Variants in BICC1 observed in about 807,000 individuals in gnomAD.
BICC1 encodes protein bicaudal C homolog 1.
Under a neutral mutation model 111.0 loss-of-function variants are expected in BICC1, and 43 were observed. The observed-to-expected ratio is 0.39, with a 90% CI of 0.30 to 0.50. The LOEUF is 0.50. BICC1 is among the 20% of genes least tolerant of loss of function. The probability of loss-of-function intolerance (pLI) is 0.88; values close to 1 mark genes in which losing one functional copy is unlikely to be tolerated. For synonymous variants in BICC1, 467 were observed against 434.4 expected, an observed-to-expected ratio of 1.07 and a Z score of -0.93; for missense variants, 1,091 against 1,203.2, an observed-to-expected ratio of 0.91 and a Z score of 1.38.
At position 58,799,051 on chromosome 10, in the gene BICC1, T is replaced by A; in HGVS notation, c.1529-5T>A. The stretch of plus-strand genomic sequence containing the variant: ...AATATCTGTCATCATAAAATGTTGT[T>A]GTAGGTTTTTCTGCTATACCACACC... On this transcript the variant is annotated splice_polypyrimidine_tract_variant and splice_region_variant and intron_variant, in intron 11 of 20. Coordinates refer to ENST00000373886, the MANE Select transcript of BICC1 (RefSeq NM_001080512.3). The A allele has an allele frequency of 6.4e-7, 1 of 1,556,220 alleles. No individual in the cohort carries two copies.
At chr10:58,782,959 G>A (rs888872994) in intron 3 of BICC1, among the ~76,000 whole-genome samples, 7 of 152,238 alleles carry the variant, frequency 4.6e-5, no homozygotes, top group African/African-American at 1.7e-4. Context: ...GCATTAGAGA[G>A]CAAGCAATGG....
chr10:58,747,366 T>C (rs978127936), intron 3 of BICC1, among the ~76,000 whole-genome samples: 3 of 152,154 alleles, frequency 2.0e-5, no homozygotes, highest in Non-Finnish European at 4.4e-5. Flanking sequence ...AATACAGAAA[T>C]GAACTTTAAG....
chr10:58,732,263 GGAGA>G (rs142434746), intron 3 of BICC1, among the ~76,000 whole-genome samples: 33 of 144,530 alleles, frequency 2.3e-4, no homozygotes, highest in African/African-American at 6.2e-4. Context: ...GTGGGGATGG[GGAGA>G]GAGAGAGAGA....
chr10:58,610,260 C>T (rs150396632), intron 1 of BICC1, among the ~76,000 whole-genome samples: 157 of 152,206 alleles, frequency 1.0e-3, no homozygotes, highest in Non-Finnish European at 1.9e-3. Flanking sequence ...AGAATGCTGG[C>T]CTTTGCTTGC....
chr10:58,636,965 T>C (rs1445513935), intron 2 of BICC1, among the ~76,000 whole-genome samples: 1 of 152,182 alleles, frequency 6.6e-6, no homozygotes, highest in Non-Finnish European at 1.5e-5. Flanking sequence ...GGGGGAAGGC[T>C]GTGTGGCTGA....
chr10:58,694,130 TCTCCTGTTCTCATTGA>T (rs1236552540), intron 2 of BICC1, among the ~76,000 whole-genome samples: 23 of 152,274 alleles, frequency 1.5e-4, no homozygotes, highest in African/African-American at 5.1e-4. Context: ...ATCATCTCCT[TCTCCTGTTCTCATTGA>T]CTTCTGATTC....
intron 1 of BICC1, among the ~76,000 whole-genome samples, chr10:58,602,157 C>T (rs916634412): frequency 1.3e-5 from 2 of 152,050 alleles, no homozygotes; most frequent in African/African-American, 4.8e-5. Flanking sequence ...GGAAAAGCAG[C>T]TGAGAAGATA....
At chr10:58,761,338 G>A (rs1047366645) in intron 3 of BICC1, among the ~76,000 whole-genome samples, 6 of 152,280 alleles carry the variant, frequency 3.9e-5, no homozygotes, top group Non-Finnish European at 7.4e-5. Flanking sequence ...TAGAGCTGGG[G>A]GCAGTGACAA....
intron 1 of BICC1, among the ~76,000 whole-genome samples, chr10:58,527,717 T>A (rs1649020): frequency 0.99 from 151,106 of 152,184 alleles, 75,022 homozygotes; most frequent in East Asian, 1. Context: ...AGGTTTGTCA[T>A]AGACCAGATG....
At chr10:58,562,268 T>C (rs1013489621) in intron 1 of BICC1, among the ~76,000 whole-genome samples, 9 of 152,158 alleles carry the variant, frequency 5.9e-5, no homozygotes, top group Non-Finnish European at 1.0e-4. Flanking sequence ...TCCATTGTCT[T>C]ATTGGCTTTC....
At chr10:58,611,895 G>T (rs987932224) in intron 1 of BICC1, among the ~76,000 whole-genome samples, 1 of 152,126 alleles carries the variant, frequency 6.6e-6, no homozygotes, top group Non-Finnish European at 1.5e-5. Flanking sequence ...ATATTAAAGT[G>T]AAGAAGAAAG....
intron 1 of BICC1, among the ~76,000 whole-genome samples, chr10:58,526,995 A>G (rs1842560872): frequency 6.6e-6 from 1 of 152,224 alleles, no homozygotes; most frequent in South Asian, 2.1e-4. Context: ...TCCTTGAGGA[A>G]TCACCACACT....
chr10:58,607,343 A>AATAAATAAATAAATAAAT (rs1374739915), intron 1 of BICC1, among the ~76,000 whole-genome samples: 6 of 151,836 alleles, frequency 4.0e-5, no homozygotes, highest in Non-Finnish European at 7.4e-5. Context: ...TAAATAAATA[A>AATAAATAAATAAATAAAT]AACTGTCATG....
chr10:58,809,006 T>C (rs1032885114), intron 17 of BICC1, among the ~76,000 whole-genome samples: 6 of 151,262 alleles, frequency 4.0e-5, no homozygotes, highest in Non-Finnish European at 5.9e-5. Flanking sequence ...TGAGCCGCCA[T>C]GCCTGGCCTA....
At chr10:58,612,418 C>T (rs1442894699) in intron 1 of BICC1, among the ~76,000 whole-genome samples, 1 of 152,032 alleles carries the variant, frequency 6.6e-6, no homozygotes, top group Non-Finnish European at 1.5e-5. Context: ...AGTTAATATA[C>T]AGAATAAAAT....
At chr10:58,623,131 A>G (rs1178795195) in intron 2 of BICC1, among the ~76,000 whole-genome samples, 1 of 152,142 alleles carries the variant, frequency 6.6e-6, no homozygotes, top group Non-Finnish European at 1.5e-5. Flanking sequence ...ATGTAACTTT[A>G]TGTTTTTTTG....
chr10:58,645,007 T>A lies in BICC1; in HGVS notation c.237+24106T>A, dbSNP rs1180160521. ...TTAGTCTGTGTCTAAACAAAAAAAA[T>A]TTTCTTTATATGGACAGAAAGAACT... On this transcript the variant is annotated intron_variant, in intron 2 of 20. Transcript: ENST00000373886. 4.6e-5 allele frequency among the ~76,000 whole-genome samples: 7 copies of A among 152,006 alleles called. No individual in the cohort carries two copies. The East Asian group carries it at 9.6e-4, about 21-fold the overall frequency.
intron 1 of BICC1, among the ~76,000 whole-genome samples, chr10:58,584,944 A>G (rs117926407): frequency 1.8e-4 from 27 of 152,326 alleles, no homozygotes; most frequent in Non-Finnish European, 3.4e-4. Flanking sequence ...GTTTTACTTC[A>G]TTAATAAAAA....
chr10:58,757,033 G>C (rs1164931964), intron 3 of BICC1, among the ~76,000 whole-genome samples: 1 of 152,060 alleles, frequency 6.6e-6, no homozygotes, highest in Non-Finnish European at 1.5e-5. Context: ...TAATTTCTTA[G>C]TTACTCTAAT....
Sources: allele counts gnomAD v4.1 joint callset (sites outside exome capture counted in the v4.1 genomes callset), GRCh38; gene constraint gnomAD v4.1.1; transcripts MANE v1.5; gene names NCBI Gene and HGNC (gene_info 2026-07-23, HGNC 2026-07-21).